The following RBFOX1 variants were observed in gnomAD, a reference collection of about 807,000 sequenced individuals.
The protein encoded by RBFOX1 is RNA binding fox-1 homolog 1.
In RBFOX1, 8 loss-of-function variants were observed where a neutral mutation model predicts 57.7. That is an observed-to-expected ratio of 0.14 (90% CI 0.08 to 0.25). The LOEUF (loss-of-function observed/expected upper bound fraction) is 0.25. RBFOX1 is among the 10% of genes least tolerant of loss of function. RBFOX1 has a pLI of 1.00. For synonymous variants in RBFOX1, 326 were observed against 222.4 expected (o/e 1.47, Z -4.15); for missense variants, 611 against 548.5 (o/e 1.11, Z -1.14).
chr16:6,613,864 G>A (rs1361646966), intron 2 of RBFOX1, among the ~76,000 whole-genome samples: 3 of 152,156 alleles, frequency 2.0e-5, no homozygotes, highest in Non-Finnish European at 4.4e-5. Context: ...CTTGAATCTG[G>A]GAGGCAGAGG....
intron 2 of RBFOX1, among the ~76,000 whole-genome samples, chr16:5,583,236 A>G (rs1189759481): frequency 6.6e-6 from 1 of 152,250 alleles, no homozygotes; most frequent in East Asian, 1.9e-4. Flanking sequence ...GTTAAAGCCA[A>G]CTAAATATGG....
At chr16:6,669,281 C>T (rs2098750207) in intron 3 of RBFOX1, among the ~76,000 whole-genome samples, 1 of 152,164 alleles carries the variant, frequency 6.6e-6, no homozygotes, top group South Asian at 2.1e-4. Context: ...GTTTGTCTAT[C>T]ACATGAACAC....
At chr16:6,525,797 T>C (rs1282781103) in intron 2 of RBFOX1, among the ~76,000 whole-genome samples, 2 of 152,058 alleles carry the variant, frequency 1.3e-5, no homozygotes, top group Non-Finnish European at 2.9e-5. Context: ...ATCCCATTCA[T>C]GAGAGCTTTT....
At chr16:5,599,636 G>C (rs2047300531) in exon 3 of RBFOX1, 1 of 184,356 alleles carries the variant, frequency 5.4e-6, no homozygotes, top group Admixed American at 5.5e-5. Context: ...GACTGTTGCT[G>C]TTTGGTATTC....
chr16:5,585,346 T>A (rs1208276886), intron 2 of RBFOX1, among the ~76,000 whole-genome samples: 1 of 152,242 alleles, frequency 6.6e-6, no homozygotes. Flanking sequence ...CAGTCCTTCT[T>A]TTTTAAGGCT....
chr16:7,391,806 G>A (rs956871200), intron 4 of RBFOX1, among the ~76,000 whole-genome samples: 2 of 152,152 alleles, frequency 1.3e-5, no homozygotes, highest in South Asian at 4.1e-4. Flanking sequence ...GTCGGTGGAT[G>A]GATGGAGAAA....
chr16:6,597,940 G>T (rs1450136649), intron 2 of RBFOX1, among the ~76,000 whole-genome samples: 2 of 152,214 alleles, frequency 1.3e-5, no homozygotes, highest in Admixed American at 1.3e-4. Flanking sequence ...AAACAGAAAA[G>T]TAGAAGGAAC....
intron 1 of RBFOX1, among the ~76,000 whole-genome samples, chr16:6,178,708 G>T (rs536758611): frequency 1.3e-5 from 2 of 152,242 alleles, no homozygotes; most frequent in East Asian, 1.9e-4. Context: ...TTCTCATCTC[G>T]TTCTTCAAGA....
chr16:6,813,835 C>A (rs145205414), intron 3 of RBFOX1, among the ~76,000 whole-genome samples: 2 of 152,102 alleles, frequency 1.3e-5, no homozygotes, highest in Middle Eastern at 3.2e-3. Flanking sequence ...GCTGTTGATA[C>A]CCCCAACCCC....
At chr16:5,410,629 G>A (rs746536481) in intron 1 of RBFOX1, among the ~76,000 whole-genome samples, 3 of 152,174 alleles carry the variant, frequency 2.0e-5, no homozygotes, top group Non-Finnish European at 4.4e-5. Flanking sequence ...TACACAGTCA[G>A]CCCAGTCTTA....
chr16:5,565,600 G>T lies in RBFOX1; in HGVS notation c.259-33302G>T, dbSNP rs939569755. Among the ~76,000 whole-genome samples the T allele has an allele frequency of 6.6e-5, 10 of 151,248 alleles. No homozygotes were observed. In the South Asian group the frequency reaches 2.1e-3, roughly 32 times the overall value. On this transcript the variant is annotated intron_variant, in intron 2 of 2. Coordinates refer to the RBFOX1 transcript ENST00000585867. ...AGATCGTGCCACTGTACTCCAGCCT[G>T]GGCAATAAGAGCGAAACTCTGCCTT...
chr16:7,395,205 G>A (rs186990616), intron 4 of RBFOX1, among the ~76,000 whole-genome samples: 1 of 149,734 alleles, frequency 6.7e-6, no homozygotes, highest in Non-Finnish European at 1.5e-5. Context: ...ACTCTTGCCT[G>A]ATCTATGTAG....
chr16:6,897,398 G>A (rs931935809), intron 3 of RBFOX1, among the ~76,000 whole-genome samples: 6 of 151,876 alleles, frequency 4.0e-5, no homozygotes, highest in African/African-American at 1.2e-4. Flanking sequence ...GCGAGACTCC[G>A]TCACACACAC....
rs540589643 is a variant in RBFOX1, at chr16:5,345,946, C to A, written c.219+105841C>A. ...TGGAAGAAACCCTGCTAATTATGCCCCTAGGAATCTACCAGGGAAACTTGC... is the reference window on the plus strand; with the variant it reads ...TGGAAGAAACCCTGCTAATTATGCCACTAGGAATCTACCAGGGAAACTTGC... On this transcript the variant is annotated intron_variant, in intron 1 of 2. Coordinates refer to the RBFOX1 transcript ENST00000585867. Among the ~76,000 whole-genome samples the A allele has an allele frequency of 3.3e-5, 5 of 152,276 alleles. No homozygotes were observed. In the South Asian group the frequency reaches 1.0e-3, roughly 32 times the overall value.
chr16:7,665,160 T>TA (rs2068860045), intron 13 of RBFOX1, among the ~76,000 whole-genome samples, 192 bp downstream of exon 13: 1 of 152,152 alleles, frequency 6.6e-6, no homozygotes, highest in East Asian at 1.9e-4. Flanking sequence ...ACTGGCTGTT[T>TA]AGTGGGGTGG....
intron 11 of RBFOX1, among the ~76,000 whole-genome samples, chr16:7,638,655 G>A (rs186216481): frequency 6.6e-6 from 1 of 152,288 alleles, no homozygotes; most frequent in South Asian, 2.1e-4. Flanking sequence ...AGCTTTACAG[G>A]CCATCTAGCC....
At chr16:5,770,040 T>G (rs1415275984) in intron 3 of RBFOX1, among the ~76,000 whole-genome samples, 1 of 152,172 alleles carries the variant, frequency 6.6e-6, no homozygotes, top group East Asian at 1.9e-4. Flanking sequence ...ATAGAGAAGA[T>G]TTACTGTGGA....
intron 3 of RBFOX1, among the ~76,000 whole-genome samples, chr16:6,841,544 G>C (rs1830357802): frequency 6.6e-6 from 1 of 152,162 alleles, no homozygotes; most frequent in African/African-American, 2.4e-5. Flanking sequence ...CGCTAATGAG[G>C]CGAGTATTAC....
intron 4 of RBFOX1, among the ~76,000 whole-genome samples, chr16:7,292,776 G>A (rs11077168): frequency 1.3e-5 from 2 of 151,722 alleles, no homozygotes; most frequent in Non-Finnish European, 2.9e-5. Context: ...TATCTGATAC[G>A]AGGTGAAGGA....
Sources: gnomAD v4.1 joint callset for allele counts (sites outside exome capture counted in the v4.1 genomes callset) on GRCh38, gnomAD v4.1.1 for gene constraint, MANE v1.5 for transcripts, NCBI Gene and HGNC (gene_info 2026-07-23, HGNC 2026-07-21) for gene names.